Variants in FAM53B observed in about 807,000 individuals in gnomAD.
The protein encoded by FAM53B is family with sequence similarity 53 member B, also known as protein FAM53B.
Under a neutral mutation model 32.7 loss-of-function variants are expected in FAM53B, and 12 were observed. The observed-to-expected ratio is 0.37, with a 90% CI of 0.24 to 0.59. The LOEUF (loss-of-function observed/expected upper bound fraction) is 0.59. Ranked by LOEUF, FAM53B falls within the 20% of genes least tolerant of loss-of-function variation. The pLI is 0.72. For synonymous variants in FAM53B, 234 were observed against 228.7 expected, an observed-to-expected ratio of 1.02 and a Z score of -0.21; for missense variants, 477 against 577.7, an observed-to-expected ratio of 0.83 and a Z score of 1.79.
intron 2 of FAM53B, among the ~76,000 whole-genome samples, chr10:124,698,448 G>T (rs756871004): frequency 1.5e-4 from 23 of 152,122 alleles, no homozygotes; most frequent in Non-Finnish European, 2.6e-4. Flanking sequence ...CTAGACCAAG[G>T]GGGACCTCAG....
At chr10:124,728,630 T>G (rs1245524682) in intron 1 of FAM53B, among the ~76,000 whole-genome samples, 1 of 152,244 alleles carries the variant, frequency 6.6e-6, no homozygotes, top group Non-Finnish European at 1.5e-5. Context: ...TCTGTTTTGA[T>G]GACTTCTATG....
intron 3 of FAM53B, among the ~76,000 whole-genome samples, chr10:124,687,241 C>CA (rs1949808111): frequency 1.3e-5 from 2 of 152,172 alleles, no homozygotes; most frequent in African/African-American, 4.8e-5. Context: ...TCACACCATA[C>CA]AAAGGGCCTC....
intron 4 of FAM53B, among the ~76,000 whole-genome samples, chr10:124,665,564 T>A (rs949068638): frequency 1.3e-5 from 2 of 152,236 alleles, no homozygotes; most frequent in African/African-American, 4.8e-5. Flanking sequence ...CCCATATGCA[T>A]ACATGGAGGT....
intron 3 of FAM53B, among the ~76,000 whole-genome samples, chr10:124,688,284 C>T (rs560474696): frequency 9.2e-5 from 14 of 152,362 alleles, no homozygotes; most frequent in East Asian, 3.9e-4. Flanking sequence ...GAGCAGAGCG[C>T]GATGGCCCAC....
intron 1 of FAM53B, 145 bp from the exon 2 acceptor site, chr10:124,707,032 G>T: frequency 1.5e-6 from 1 of 663,240 alleles, no homozygotes; most frequent in Non-Finnish European, 2.1e-6. Flanking sequence ...AGTCACCAAG[G>T]CCCAGAGTTA....
intron 4 of FAM53B, among the ~76,000 whole-genome samples, chr10:124,646,230 G>A (rs1008072570): frequency 4.6e-5 from 7 of 152,322 alleles, no homozygotes; most frequent in Admixed American, 3.3e-4. Flanking sequence ...ACATCACAGC[G>A]TCTCTCCCTC....
chr10:124,710,932 T>C lies in FAM53B; in HGVS notation c.-174-4045A>G, dbSNP rs532131473. On this transcript the variant is annotated intron_variant, in intron 1 of 4. Transcript: ENST00000337318. ...CCATCCCCTAAAAAACCCCTTCAAA[T>C]GCCCATTCAAACAACTACCAGCAAG... Among the ~76,000 whole-genome samples, 7 of 152,256 alleles carry C rather than the reference T, an allele frequency of 4.6e-5. No individual in the cohort carries two copies. In the East Asian group the frequency reaches 1.3e-3, roughly 29 times the overall value.
chr10:124,715,665 A>C (rs998871570), intron 1 of FAM53B, among the ~76,000 whole-genome samples: 27 of 152,342 alleles, frequency 1.8e-4, no homozygotes, highest in African/African-American at 6.5e-4. Context: ...CTATCTGCTA[A>C]GTCAGTATCA....
At position 124,669,974 on chromosome 10, in the gene FAM53B, T is replaced by C. The variant is rs531591339; in HGVS notation, c.906+11633A>G. Among the ~76,000 whole-genome samples the C allele has an allele frequency of 1.2e-3, 127 of 108,944 alleles. 4 individuals carry two copies. The South Asian group carries it at 0.039, about 33-fold the overall frequency. The allele number at this position is 108,944 out of a possible 152,430, so 71.5% of individuals were successfully genotyped here. ...GGGTGGGTGAGGATTACAGGGTGGG[T>C]GAGGACCACACACCCGAGGGAGGAC... On this transcript the variant is annotated intron_variant, in intron 4 of 4. Transcript: ENST00000337318.
intron 1 of FAM53B, among the ~76,000 whole-genome samples, chr10:124,736,443 C>T (rs2134105007): frequency 6.6e-6 from 1 of 152,388 alleles, no homozygotes; most frequent in East Asian, 1.9e-4. Flanking sequence ...AGCCAGGCTC[C>T]TTCTCCTCAC....
intron 1 of FAM53B, among the ~76,000 whole-genome samples, chr10:124,732,688 G>A (rs972028063): frequency 3.3e-5 from 5 of 152,036 alleles, no homozygotes; most frequent in Admixed American, 1.3e-4. Flanking sequence ...GTGAAACCCC[G>A]TCTCTACTAA....
chr10:124,681,554 C>T (rs949481840), intron 4 of FAM53B, 53 bp downstream of exon 4: 3 of 1,467,710 alleles, frequency 2.0e-6, no homozygotes, highest in South Asian at 1.4e-5. Context: ...GGCCCAGAAC[C>T]AGCAGAGGCT....
chr10:124,710,701 CTCTT>C (rs1949995862), intron 1 of FAM53B, among the ~76,000 whole-genome samples: 1 of 152,250 alleles, frequency 6.6e-6, no homozygotes, highest in African/African-American at 2.4e-5. Flanking sequence ...AGTGGGTTTT[CTCTT>C]AACCTATATC....
intron 1 of FAM53B, among the ~76,000 whole-genome samples, chr10:124,742,056 T>C (rs1589770817): frequency 1.3e-5 from 2 of 152,182 alleles, no homozygotes; most frequent in East Asian, 3.8e-4. Context: ...ATTATTTGAA[T>C]TTAAATCGCC....
intron 4 of FAM53B, among the ~76,000 whole-genome samples, chr10:124,677,958 C>T (rs779668905): frequency 2.6e-5 from 4 of 152,172 alleles, no homozygotes; most frequent in African/African-American, 7.2e-5. Context: ...CTCTGAACAC[C>T]GAGTTGACTA....
chr10:124,702,872 A>T (rs1380176360), intron 2 of FAM53B, among the ~76,000 whole-genome samples: 2 of 152,042 alleles, frequency 1.3e-5, no homozygotes, highest in Non-Finnish European at 2.9e-5. Context: ...CCCCATGGTG[A>T]TCAGGGAGTC....
At chr10:124,653,605 C>T (rs1949569140) in intron 4 of FAM53B, among the ~76,000 whole-genome samples, 1 of 152,210 alleles carries the variant, frequency 6.6e-6, no homozygotes, top group African/African-American at 2.4e-5. Flanking sequence ...ACAGTGGGGT[C>T]AGACTCATGA....
intron 1 of FAM53B, among the ~76,000 whole-genome samples, chr10:124,726,033 T>C (rs962354424): frequency 2.0e-5 from 3 of 151,998 alleles, no homozygotes. Context: ...GAGAACTCAT[T>C]AGGAAGGCAA....
At position 124,660,147 on chromosome 10, in the gene FAM53B, G is replaced by GC. The variant is rs750179727; in HGVS notation, c.906+21459dup. Among the ~76,000 whole-genome samples the GC allele has an allele frequency of 9.8e-5, 15 of 152,346 alleles. No homozygotes were observed. In the East Asian group the frequency reaches 1.7e-3, roughly 18 times the overall value. On this transcript the variant is annotated intron_variant, in intron 4 of 4. Transcript: ENST00000337318. ...AGGGGTTTGTCTTCAGTGGCGAGAAGCCCAGTGCTGCCCTCGCTGTTCACG... is the reference window on the plus strand; with the variant it reads ...AGGGGTTTGTCTTCAGTGGCGAGAAGCCCCAGTGCTGCCCTCGCTGTTCACG...
Sources: gnomAD v4.1 joint callset for allele counts (sites outside exome capture counted in the v4.1 genomes callset) on GRCh38, gnomAD v4.1.1 for gene constraint, MANE v1.5 for transcripts, NCBI Gene and HGNC (gene_info 2026-07-23, HGNC 2026-07-21) for gene names.